Variants in GOLGB1 observed in about 807,000 individuals in gnomAD.
GOLGB1 encodes golgin B1.
In GOLGB1, 174 loss-of-function variants were observed where a neutral mutation model predicts 336.9. The ratio of observed to expected loss-of-function variants is 0.52; its 90% confidence interval spans 0.46 to 0.59. GOLGB1 has a LOEUF of 0.59. Ranked by LOEUF, GOLGB1 falls within the 20% of genes least tolerant of loss-of-function variation. The probability of loss-of-function intolerance (pLI) is 0.00; values close to 1 mark genes in which losing one functional copy is unlikely to be tolerated. For missense variants in GOLGB1, 3,331 were observed against 3,645.3 expected (o/e 0.91, Z 2.22); for synonymous variants, 1,208 against 1,289.2 (o/e 0.94, Z 1.35).
intron 1 of GOLGB1, chr3:121,748,702 G>T: frequency 2.2e-6 from 1 of 463,266 alleles, no homozygotes; most frequent in Non-Finnish European, 2.8e-6. Context: ...CCCTCCACTT[G>T]CTTGCATCTT....
rs765247084 is a variant in GOLGB1, at chr3:121,693,969, A to G, written c.6554T>C (p.Leu2185Ser). 2 of 1,614,152 alleles carry G rather than the reference A, an allele frequency of 1.2e-6. No homozygotes were observed. Among genetic ancestry groups the G allele is most frequent in the Admixed American group, 3.3e-5 (2 of 60,032 alleles). Residue 2185 changes from leucine to serine, a missense_variant, in exon 13 of 22, where the codon TTG (leucine) becomes TCG (serine). By Grantham distance (145) the Leu-to-Ser change is moderately radical. Coordinates refer to ENST00000614479, the MANE Select transcript of GOLGB1 (RefSeq NM_001366282.2). ...TGCAAGCTGGGTCACAGTACTGTCC[A>G]AGTTTTCCTGAAGTTGCTGAACTTC... ...DKEVQQLQEN[L>S]DSTVTQLAAF...
intron 10 of GOLGB1, among the ~76,000 whole-genome samples, chr3:121,710,041 A>T (rs1271228167): frequency 6.6e-6 from 1 of 151,254 alleles, no homozygotes; most frequent in South Asian, 2.1e-4. Context: ...ATCTTCAATG[A>T]AATAGACAAA....
intron 17 of GOLGB1, among the ~76,000 whole-genome samples, chr3:121,669,824 G>A (rs1939231682): frequency 6.6e-6 from 1 of 152,176 alleles, no homozygotes; most frequent in Non-Finnish European, 1.5e-5. Flanking sequence ...GCCATAAAGA[G>A]TTATAAGTTA....
At chr3:121,682,363 A>G (rs935401593) in intron 14 of GOLGB1, among the ~76,000 whole-genome samples, 2 of 152,152 alleles carry the variant, frequency 1.3e-5, no homozygotes, top group Non-Finnish European at 2.9e-5. Flanking sequence ...TAGATATCCT[A>G]CTACTTCTTG....
Position 121,664,492 on chromosome 3 carries a change from C to G in GOLGB1, c.9783G>C (p.Thr3261=). The G allele has an allele frequency of 6.2e-7, 1 of 1,613,752 alleles. No homozygotes were observed. The highest frequency in any genetic ancestry group is 8.5e-7 in the Non-Finnish European group (1 of 1,179,814). The change falls in exon 22 of 22, where the codon ACG becomes ACC. Residue 3261 remains threonine (T), a synonymous_variant. Coordinates refer to ENST00000614479, the MANE Select transcript of GOLGB1 (RefSeq NM_001366282.2). The stretch of plus-strand genomic sequence containing the variant: ...GTAACAACTAAGTCTATAGATGGCC[C>G]GTAAAACACAGAATGAGCAGGACAT... ...MIHVLLILCF[T]GHL
Position 121,665,045 on chromosome 3 carries a change from A to G in GOLGB1, c.9555-14T>C, listed in dbSNP as rs781377075. The G allele has an allele frequency of 4.0e-5, 58 of 1,434,254 alleles. No homozygotes were observed. Among genetic ancestry groups the G allele is most frequent in the Non-Finnish European group, 5.5e-5 (56 of 1,015,970 alleles). The allele number at this position is 1,434,254 out of a possible 1,614,324, so 88.8% of individuals were successfully genotyped here. A position where few individuals can be genotyped will look rare whatever the true frequency, so the allele number is the denominator to read the frequency against. On this transcript the variant is annotated splice_polypyrimidine_tract_variant and intron_variant, in intron 20 of 21. Coordinates refer to ENST00000614479, the MANE Select transcript of GOLGB1 (RefSeq NM_001366282.2). Reference sequence around the variant, plus strand: ...CTGTGCTCTAACCTGAGTTGAGAAAAAAAAGAGGCATAGCATTGGTTCATA... The same window carrying G: ...CTGTGCTCTAACCTGAGTTGAGAAAGAAAAGAGGCATAGCATTGGTTCATA...
rs180827372 is a variant in GOLGB1, at chr3:121,726,408, T to A, written c.531+505A>T. Among the ~76,000 whole-genome samples, 3 of 121,866 alleles carry A rather than the reference T, an allele frequency of 2.5e-5. No homozygotes were observed. The East Asian group carries it at 7.2e-4, about 29-fold the overall frequency. 79.9% of individuals were successfully genotyped at this position (121,866 alleles called of 152,430 possible). ...GAGACTGTACTGCTCCACTCCAGCC[T>A]GGCCAACAGAGTGACACCCTGTCTC... On this transcript the variant is annotated intron_variant, in intron 5 of 21. Coordinates refer to ENST00000614479, the MANE Select transcript of GOLGB1 (RefSeq NM_001366282.2).
chr3:121,688,310 C>G (rs1352438408), intron 14 of GOLGB1, among the ~76,000 whole-genome samples: 1 of 152,168 alleles, frequency 6.6e-6, no homozygotes, highest in African/African-American at 2.4e-5. Flanking sequence ...CTCAGCCTGC[C>G]GAGTGCCTGC....
rs1942341333 is a variant in GOLGB1, at chr3:121,690,832, G to A, written c.8532C>T (p.Ala2844=). 6.2e-7 allele frequency: 1 copy of A among 1,611,858 alleles called. No homozygotes were observed. Among genetic ancestry groups the A allele is most frequent in the African/African-American group, 1.3e-5 (1 of 74,860 alleles). ...GGTGATCTCTCTCATTCTGCAGACT[G>A]GCCATAGCCTTGGAAAAGGACTGCA... The part of the protein sequence containing the change: ...NQVQSFSKAM[A]SLQNERDHLW... The change falls in exon 14 of 22, where the codon GCC becomes GCT. Residue 2844 remains alanine (A), a synonymous_variant. Coordinates refer to ENST00000614479, the MANE Select transcript of GOLGB1 (RefSeq NM_001366282.2).
At position 121,711,854 on chromosome 3, in the gene GOLGB1, G is replaced by A. The variant is rs887501557; in HGVS notation, c.1404+3007C>T. Among the ~76,000 whole-genome samples the A allele has an allele frequency of 1.6e-4, 24 of 152,244 alleles. 1 individual carries two copies. The highest frequency in any genetic ancestry group is 4.1e-4 in the South Asian group (2 of 4,822). On this transcript the variant is annotated intron_variant, in intron 10 of 21. Coordinates refer to ENST00000614479, the MANE Select transcript of GOLGB1 (RefSeq NM_001366282.2). Reference sequence around the variant, plus strand: ...ATAAATGGAGAGATATACTATATTCGTAGATTTAAAAGTACAGTAGTGTTG... The same window carrying A: ...ATAAATGGAGAGATATACTATATTCATAGATTTAAAAGTACAGTAGTGTTG...
At chr3:121,703,061 T>G (rs1314991270) in intron 10 of GOLGB1, among the ~76,000 whole-genome samples, 1 of 152,242 alleles carries the variant, frequency 6.6e-6, no homozygotes, top group Non-Finnish European at 1.5e-5. Flanking sequence ...TGTTTTTTGT[T>G]TTCCAAGTAT....
chr3:121,677,575 A>C (rs1940575288), intron 15 of GOLGB1, 125 bp from the exon 16 acceptor site: 1 of 661,390 alleles, frequency 1.5e-6, no homozygotes, highest in African/African-American at 1.9e-5. Flanking sequence ...TAAAGAAAGA[A>C]AGGCTAAGAA....
intron 9 of GOLGB1, 74 bp from the exon 10 acceptor site, chr3:121,715,050 T>C: frequency 1.2e-6 from 1 of 805,548 alleles, no homozygotes; most frequent in South Asian, 1.4e-5. Flanking sequence ...CTTCTAAAGA[T>C]ACACTGTATG....
At chr3:121,705,443 CA>C (rs1453034792) in intron 10 of GOLGB1, among the ~76,000 whole-genome samples, 1 of 152,094 alleles carries the variant, frequency 6.6e-6, no homozygotes, top group Non-Finnish European at 1.5e-5. Context: ...TATCAAGCAA[CA>C]AAGGATAATT....
chr3:121,694,221 G>A lies in GOLGB1; in HGVS notation c.6302C>T (p.Ala2101Val). The A allele has an allele frequency of 6.2e-7, 1 of 1,611,580 alleles. No homozygotes were observed. The highest frequency in any genetic ancestry group is 8.5e-7 in the Non-Finnish European group (1 of 1,179,976). Residue 2101 changes from alanine (A) to valine (V), a missense_variant, in exon 13 of 22, where the codon GCA becomes GTA. By Grantham distance (64) the Ala-to-Val change is moderately conservative. Coordinates refer to ENST00000614479, the MANE Select transcript of GOLGB1 (RefSeq NM_001366282.2). Reference protein sequence around the residue: ...DTQSEAARVLADNLKLKKELQ... With the variant: ...DTQSEAARVLVDNLKLKKELQ... ...TTCCTTTTTCAACTTGAGATTGTCT[G>A]CTAGGACCCTTGCTGCTTCACTTTG...
At chr3:121,701,012 G>A (rs1943359811) in intron 11 of GOLGB1, among the ~76,000 whole-genome samples, 1 of 152,130 alleles carries the variant, frequency 6.6e-6, no homozygotes, top group South Asian at 2.1e-4. Flanking sequence ...ACATAGGAAA[G>A]CCACCATAGA....
chr3:121,694,886 C>T lies in GOLGB1; in HGVS notation c.5637G>A (p.Leu1879=). The change falls in exon 13 of 22, where the codon CTG becomes CTA. Residue 1879 remains leucine, a synonymous_variant. Transcript: ENST00000614479. ...QTLENEKNTL[L]SQISTKDGEL... is the part of the protein sequence containing the mutation. The stretch of plus-strand genomic sequence containing the variant: ...CACCATCCTTTGTTGATATCTGACT[C>T]AGTAAGGTATTTTTCTCATTTTCTA... 1 of 1,613,412 alleles carries T rather than the reference C, an allele frequency of 6.2e-7. No individual in the cohort carries two copies. The highest frequency in any genetic ancestry group is 8.5e-7 in the Non-Finnish European group (1 of 1,179,378).
In GOLGB1 at chr3:121,733,438, G is replaced by A. The variant is rs1401512136; in HGVS notation, c.-2-2465C>T. On this transcript the variant is annotated intron_variant, in intron 1 of 21. Transcript: ENST00000614479. The stretch of plus-strand genomic sequence containing the variant: ...TAACAAAATATATGCAGAATTTGCT[G>A]AATGCTGAAAACTATTGAAAACCCG... Among the ~76,000 whole-genome samples the A allele has an allele frequency of 3.3e-5, 5 of 152,068 alleles. No homozygotes were observed. In the South Asian group the frequency reaches 1.0e-3, roughly 32 times the overall value.
At chr3:121,677,090 C>T (rs1940497796) in intron 16 of GOLGB1, 60 bp from the exon 17 acceptor site, 2 of 1,598,698 alleles carry the variant, frequency 1.3e-6, no homozygotes, top group Admixed American at 3.4e-5. Flanking sequence ...TTAATTCCTT[C>T]CCTCTAGAAA....
Sources: allele counts gnomAD v4.1 joint callset (sites outside exome capture counted in the v4.1 genomes callset), GRCh38; gene constraint gnomAD v4.1.1; transcripts MANE v1.5; gene names NCBI Gene and HGNC (gene_info 2026-07-23, HGNC 2026-07-21).